RPS6KC1: variants seen among roughly 807,000 people sequenced by gnomAD.
RPS6KC1 encodes the protein ribosomal protein S6 kinase C1.
A neutral mutation model predicts 103.8 loss-of-function variants in RPS6KC1; 54 were observed. The observed-to-expected ratio is 0.52, with a 90% CI of 0.42 to 0.65. RPS6KC1 has a LOEUF of 0.65. RPS6KC1 is among the 30% of genes least tolerant of loss of function. RPS6KC1 has a pLI of 0.00. For synonymous variants in RPS6KC1, 439 were observed against 438.7 expected, an observed-to-expected ratio of 1.00 and a Z score of -0.01; for missense variants, 1,151 against 1,253.8, an observed-to-expected ratio of 0.92 and a Z score of 1.24.
At chr1:213,311,605 T>C in the RPS6KC1 span, among the ~76,000 whole-genome samples, 1 of 152,066 alleles carries the variant, frequency 6.6e-6, no homozygotes, top group African/African-American at 2.4e-5. Context: ...GCCTTGGATT[T>C]CTTTGGTGTC....
chr1:213,109,459 G>A (rs1431362252), intron 4 of RPS6KC1, among the ~76,000 whole-genome samples: 1 of 152,130 alleles, frequency 6.6e-6, no homozygotes, highest in Non-Finnish European at 1.5e-5. Flanking sequence ...ATTTCTTTAA[G>A]CAATGTTTCA....
the RPS6KC1 span, among the ~76,000 whole-genome samples, chr1:213,309,057 C>T: frequency 2.0e-5 from 3 of 151,860 alleles, no homozygotes; most frequent in Admixed American, 6.6e-5. Context: ...TTTGGGAGGC[C>T]GAGGTGGGTG....
intron 6 of RPS6KC1, among the ~76,000 whole-genome samples, chr1:213,136,636 A>G (rs1005909120): frequency 1.3e-5 from 2 of 152,120 alleles, no homozygotes; most frequent in African/African-American, 4.8e-5. Context: ...CCGGCATGGT[A>G]TCTACTTTTT....
the RPS6KC1 span, among the ~76,000 whole-genome samples, chr1:213,602,782 C>T: frequency 6.6e-6 from 1 of 152,176 alleles, no homozygotes; most frequent in Non-Finnish European, 1.5e-5. Context: ...GGACTTTTCT[C>T]ATTAGTTTTC....
At chr1:213,496,884 T>G in the RPS6KC1 span, among the ~76,000 whole-genome samples, 1 of 152,220 alleles carries the variant, frequency 6.6e-6, no homozygotes, top group African/African-American at 2.4e-5. Flanking sequence ...CTTGGAAATT[T>G]GCCACAGTGG....
the RPS6KC1 span, among the ~76,000 whole-genome samples, chr1:213,482,914 T>C: frequency 1.3e-5 from 2 of 152,240 alleles, no homozygotes; most frequent in South Asian, 2.1e-4. Flanking sequence ...CTTCTGTTTA[T>C]TATGTATTTT....
chr1:213,683,792 A>T, the RPS6KC1 span, among the ~76,000 whole-genome samples: 2 of 152,066 alleles, frequency 1.3e-5, no homozygotes, highest in Non-Finnish European at 2.9e-5. Flanking sequence ...GGTGGTGGGC[A>T]GGGGAAAGAG....
At chr1:213,473,446 G>A in the RPS6KC1 span, among the ~76,000 whole-genome samples, 1 of 152,232 alleles carries the variant, frequency 6.6e-6, no homozygotes, top group Non-Finnish European at 1.5e-5. Flanking sequence ...TCTTGCCAAT[G>A]TGAGGGGGGT....
the RPS6KC1 span, among the ~76,000 whole-genome samples, chr1:213,430,622 C>T: frequency 0.012 from 1,799 of 152,268 alleles, 15 homozygotes; most frequent in Non-Finnish European, 0.016. Context: ...AGCATCTGGA[C>T]GAAGTCCAGT....
chr1:213,846,328 G>A, the RPS6KC1 span, among the ~76,000 whole-genome samples: 1 of 151,684 alleles, frequency 6.6e-6, no homozygotes, highest in Non-Finnish European at 1.5e-5. Flanking sequence ...AGAAAAAAGG[G>A]TAGAGCTCAA....
At chr1:213,554,088 A>G in the RPS6KC1 span, among the ~76,000 whole-genome samples, 3 of 152,140 alleles carry the variant, frequency 2.0e-5, no homozygotes, top group Non-Finnish European at 2.9e-5. Flanking sequence ...CTTCATCATA[A>G]AGTCTTTATC....
chr1:213,255,507 T>G (rs1384784464), intron 12 of RPS6KC1, among the ~76,000 whole-genome samples: 2 of 152,192 alleles, frequency 1.3e-5, no homozygotes, highest in Non-Finnish European at 2.9e-5. Flanking sequence ...ATATACCTGA[T>G]GTTTATAGTA....
At chr1:213,830,007 G>A in the RPS6KC1 span, among the ~76,000 whole-genome samples, 3 of 152,186 alleles carry the variant, frequency 2.0e-5, no homozygotes, top group Non-Finnish European at 4.4e-5. Context: ...AGCTTCCTGA[G>A]CAATGATTAG....
chr1:213,213,271 C>G (rs544751706), intron 8 of RPS6KC1, among the ~76,000 whole-genome samples: 9 of 152,308 alleles, frequency 5.9e-5, no homozygotes, highest in African/African-American at 2.2e-4. Flanking sequence ...GTTCTAGATT[C>G]ACATTTTTGC....
intron 6 of RPS6KC1, among the ~76,000 whole-genome samples, chr1:213,159,816 C>A (rs976845497): frequency 2.0e-5 from 3 of 152,144 alleles, no homozygotes; most frequent in Non-Finnish European, 4.4e-5. Context: ...TGTAGCAATA[C>A]AGTTTAAAAA....
chr1:213,318,728 C>A, the RPS6KC1 span, among the ~76,000 whole-genome samples: 10 of 152,138 alleles, frequency 6.6e-5, no homozygotes, highest in Admixed American at 1.3e-4. Context: ...CTTCTAGAAC[C>A]ATCAGATCTC....
the RPS6KC1 span, among the ~76,000 whole-genome samples, chr1:213,573,284 G>A: frequency 2.6e-5 from 4 of 152,120 alleles, no homozygotes; most frequent in Admixed American, 1.3e-4. Context: ...TAGACACCTG[G>A]GTTTTGCCAC....
chr1:213,432,904 T>A, the RPS6KC1 span, among the ~76,000 whole-genome samples: 1 of 152,240 alleles, frequency 6.6e-6, no homozygotes, highest in Non-Finnish European at 1.5e-5. Flanking sequence ...ACATCTGTGT[T>A]GTTTTCAGTT....
the RPS6KC1 span, among the ~76,000 whole-genome samples, chr1:213,625,811 T>C: frequency 9.2e-5 from 14 of 152,232 alleles, no homozygotes; most frequent in African/African-American, 2.7e-4. Flanking sequence ...TGCCACATTT[T>C]CTTAATCCAG....
Sources: gnomAD v4.1 joint callset for allele counts (sites outside exome capture counted in the v4.1 genomes callset) on GRCh38, gnomAD v4.1.1 for gene constraint, MANE v1.5 for transcripts, NCBI Gene and HGNC (gene_info 2026-07-23, HGNC 2026-07-21) for gene names.